Variants in BLM observed in about 807,000 individuals in gnomAD.
The protein encoded by BLM is BLM RecQ like helicase.
In BLM, 95 loss-of-function variants were observed where a neutral mutation model predicts 135.3. That is an observed-to-expected ratio of 0.70 (90% CI 0.59 to 0.83). The LOEUF (loss-of-function observed/expected upper bound fraction) is 0.83. BLM is among the 40% of genes least tolerant of loss of function. BLM has a pLI of 0.00. For synonymous variants in BLM, 520 were observed against 589.2 expected, an observed-to-expected ratio of 0.88 and a Z score of 1.70; for missense variants, 1,518 against 1,663.9, an observed-to-expected ratio of 0.91 and a Z score of 1.53.
chr15:90,766,977 CA>C lies in BLM; in HGVS notation c.2268del (p.Asp757ThrfsTer4), dbSNP rs747341586. The C allele has an allele frequency of 1.5e-5, 24 of 1,601,454 alleles. No homozygotes were observed. Among genetic ancestry groups the C allele is most frequent in the Non-Finnish European group, 2.0e-5 (23 of 1,170,508 alleles). ...SEATNIYLQLSKKDPIIKLLY... is the reference protein window; with the variant it reads ...SEATNIYLQLXKKDPIIKLLY... ...GCTACAAATATTTACCTCCAGTTAT[CA>C]AAAAAAGACCCAATCATAAAACTTC... On this transcript the variant is annotated frameshift_variant, in exon 10 of 22. Transcript: ENST00000355112. LOFTEE classifies it high-confidence loss of function.
intron 1 of BLM, among the ~76,000 whole-genome samples, chr15:90,726,613 C>T (rs972520249): frequency 1.3e-5 from 2 of 152,182 alleles, no homozygotes; most frequent in African/African-American, 4.8e-5. Flanking sequence ...TCCCAGCCTC[C>T]AGTGTCCTCT....
chr15:90,807,510 C>T (rs1897310820), intron 19 of BLM, among the ~76,000 whole-genome samples: 1 of 152,132 alleles, frequency 6.6e-6, no homozygotes, highest in South Asian at 2.1e-4. Context: ...AGTGATCCTC[C>T]TACCCCAGCT....
chr15:90,810,120 C>T (rs1464202165), intron 20 of BLM, among the ~76,000 whole-genome samples: 1 of 146,516 alleles, frequency 6.8e-6, no homozygotes, highest in Non-Finnish European at 1.5e-5. Flanking sequence ...AGTTCAGTGG[C>T]ACAATCTTGG....
At chr15:90,752,952 G>C (rs1466663848) in intron 4 of BLM, among the ~76,000 whole-genome samples, 1 of 152,202 alleles carries the variant, frequency 6.6e-6, no homozygotes, top group Non-Finnish European at 1.5e-5. Context: ...CAGATCCAGT[G>C]TAGTGCCTTC....
At position 90,751,760 on chromosome 15, in the gene BLM, CTA is replaced by C. The variant is rs763849580; in HGVS notation, c.800-25_800-24del. Reference sequence around the variant, plus strand: ...TCTGTCTCATTAGTGGTTAACAAATCTATGTTTATCAACTGTTTTACTGTAGA... The same window carrying C: ...TCTGTCTCATTAGTGGTTAACAAATCTGTTTATCAACTGTTTTACTGTAGA... On this transcript the variant is annotated intron_variant, in intron 3 of 21. Coordinates refer to ENST00000355112, the MANE Select transcript of BLM (RefSeq NM_000057.4). 6 of 1,594,590 alleles carry C rather than the reference CTA, an allele frequency of 3.8e-6. No homozygotes were observed. In the African/African-American group the frequency reaches 4.0e-5, roughly 11 times the overall value.
At chr15:90,720,195 G>T (rs1169335327) in intron 1 of BLM, among the ~76,000 whole-genome samples, 1 of 152,112 alleles carries the variant, frequency 6.6e-6, no homozygotes, top group Non-Finnish European at 1.5e-5. Flanking sequence ...CTCCTTGAAG[G>T]CAGTAATAAT....
Position 90,798,285 on chromosome 15 carries a change from T to A in BLM, c.3306T>A (p.His1102Gln), listed in dbSNP as rs1204277225. 6.2e-7 allele frequency: 1 copy of A among 1,612,898 alleles called. No homozygotes were observed. The highest frequency in any genetic ancestry group is 2.2e-5 in the East Asian group (1 of 44,760). The change falls in exon 17 of 22, where the codon CAT (histidine) becomes CAA (glutamine). Residue 1102 changes from histidine (H) to glutamine (Q), a missense_variant. His to Gln is a conservative substitution (Grantham distance 24). Transcript: ENST00000355112. ...SSSQGMRNIK[H>Q]VGPSGRFTMN... Reference sequence around the variant, plus strand: ...CACAAGGAATGAGAAATATAAAACATGTAGGTCCTTCTGGAAGATTTACTA... The same window carrying A: ...CACAAGGAATGAGAAATATAAAACAAGTAGGTCCTTCTGGAAGATTTACTA...
chr15:90,769,015 C>T (rs1388637652), intron 10 of BLM, 118 bp from the exon 11 acceptor site: 3 of 920,802 alleles, frequency 3.3e-6, no homozygotes, highest in East Asian at 4.9e-5. Flanking sequence ...CGTGAGCCAC[C>T]GCACCCGGCC....
chr15:90,814,306 A>G (rs1297082906), intron 21 of BLM, among the ~76,000 whole-genome samples: 1 of 152,196 alleles, frequency 6.6e-6, no homozygotes, highest in African/African-American at 2.4e-5. Context: ...AATGCTGCCC[A>G]CAGCCATCAC....
intron 1 of BLM, among the ~76,000 whole-genome samples, chr15:90,726,777 G>T (rs970380485): frequency 2.6e-5 from 4 of 152,052 alleles, no homozygotes; most frequent in African/African-American, 9.7e-5. Flanking sequence ...CTTTTTTATG[G>T]CTGAATAGTA....
chr15:90,802,056 C>CA (rs978943593), intron 17 of BLM, among the ~76,000 whole-genome samples: 2,544 of 145,080 alleles, frequency 0.018, 63 homozygotes, highest in African/African-American at 0.055. Context: ...GACCCTGACT[C>CA]AAAAAAAAAA....
intron 14 of BLM, among the ~76,000 whole-genome samples, chr15:90,787,832 C>A (rs1896792075): frequency 1.3e-5 from 2 of 152,038 alleles, no homozygotes; most frequent in Admixed American, 6.6e-5. Flanking sequence ...CATCTGTAGT[C>A]CCAGCTACTC....
chr15:90,731,293 ACTT>A (rs1351265619), intron 1 of BLM, among the ~76,000 whole-genome samples: 3 of 152,126 alleles, frequency 2.0e-5, no homozygotes, highest in Admixed American at 2.0e-4. Flanking sequence ...ATTGTTTGGG[ACTT>A]TTGCATCTAC....
At chr15:90,722,978 T>C (rs1894808853) in intron 1 of BLM, among the ~76,000 whole-genome samples, 1 of 152,096 alleles carries the variant, frequency 6.6e-6, no homozygotes, top group Non-Finnish European at 1.5e-5. Flanking sequence ...GTAGCTTGGA[T>C]TACAGGCGCC....
At chr15:90,779,366 TA>T (rs1280322357) in intron 12 of BLM, among the ~76,000 whole-genome samples, 2 of 152,186 alleles carry the variant, frequency 1.3e-5, no homozygotes, top group Admixed American at 6.5e-5. Context: ...AAAATAAATA[TA>T]TTTTTTTAAT....
chr15:90,798,569 G>A (rs964823594), intron 17 of BLM, among the ~76,000 whole-genome samples: 5 of 152,174 alleles, frequency 3.3e-5, no homozygotes, highest in African/African-American at 1.2e-4. Flanking sequence ...AAGCTTATGC[G>A]AGTTCATCTG....
chr15:90,718,795 A>T (rs1378874120), intron 1 of BLM, among the ~76,000 whole-genome samples: 1 of 152,122 alleles, frequency 6.6e-6, no homozygotes, highest in Non-Finnish European at 1.5e-5. Context: ...AAAAATCAGG[A>T]AAAGTGTTAG....
At chr15:90,785,948 T>C (rs1301406555) in intron 14 of BLM, among the ~76,000 whole-genome samples, 1 of 152,032 alleles carries the variant, frequency 6.6e-6, no homozygotes, top group Non-Finnish European at 1.5e-5. Context: ...TAACACAGTT[T>C]GTTTATCTAC....
chr15:90,751,738 G>C (rs899131020), intron 3 of BLM, 49 bp from the exon 4 acceptor site: 1 of 1,523,278 alleles, frequency 6.6e-7, no homozygotes, highest in African/African-American at 1.4e-5. Flanking sequence ...TGTTCTTTCT[G>C]TCTCATTAGT....
Sources: allele counts gnomAD v4.1 joint callset (sites outside exome capture counted in the v4.1 genomes callset), GRCh38; gene constraint gnomAD v4.1.1; transcripts MANE v1.5; gene names NCBI Gene and HGNC (gene_info 2026-07-23, HGNC 2026-07-21).